The following MEGF6 variants were observed in gnomAD, a reference collection of about 807,000 sequenced individuals.
MEGF6 encodes multiple EGF like domains 6.
MEGF6 carries 184 observed loss-of-function variants against 207.1 expected under a neutral mutation model. That is an observed-to-expected ratio of 0.89 (90% CI 0.79 to 1.00). MEGF6 has a LOEUF of 1.00. Among genes scored for constraint, MEGF6 ranks in the 50% least tolerant of loss-of-function variants. MEGF6 has a pLI of 0.00. For missense variants in MEGF6, 2,282 were observed against 2,202.9 expected, an observed-to-expected ratio of 1.04 and a Z score of -0.72; for synonymous variants, 1,038 against 910.0, an observed-to-expected ratio of 1.14 and a Z score of -2.53.
intron 4 of MEGF6, among the ~76,000 whole-genome samples, chr1:3,579,379 C>G (rs545989182): frequency 1.8e-3 from 277 of 152,366 alleles, no homozygotes; most frequent in Non-Finnish European, 3.5e-3. Flanking sequence ...GCGGGAGTCC[C>G]ATTTACAGCT....
intron 31 of MEGF6, 30 bp from the exon 32 acceptor site, chr1:3,494,529 C>T (rs375862458): frequency 7.1e-5 from 112 of 1,576,100 alleles, no homozygotes; most frequent in Admixed American, 1.1e-4. Flanking sequence ...GGCAGTCCTT[C>T]GGCACCAGCC....
intron 7 of MEGF6, among the ~76,000 whole-genome samples, chr1:3,514,180 G>A (rs1162161480): frequency 4.6e-5 from 7 of 152,014 alleles, no homozygotes; most frequent in South Asian, 2.1e-4. Context: ...CCTGGGAGGC[G>A]GAGCTTGCAG....
intron 2 of MEGF6, among the ~76,000 whole-genome samples, chr1:3,599,083 G>A (rs1644119367): frequency 6.6e-6 from 1 of 152,214 alleles, no homozygotes; most frequent in Admixed American, 6.5e-5. Flanking sequence ...CCACAGCCCA[G>A]AAGCCAGACG....
rs986381150 is a variant in MEGF6, at chr1:3,573,597, C to G, written c.481+6228G>C. Among the ~76,000 whole-genome samples, 2 of 152,008 alleles carry G rather than the reference C, an allele frequency of 1.3e-5. No individual in the cohort carries two copies. Among genetic ancestry groups the G allele is most frequent in the African/African-American group, 4.8e-5 (2 of 41,294 alleles). On this transcript the variant is annotated intron_variant, in intron 4 of 36. Transcript: ENST00000356575. This position sits in a 1 kb window ranked among gnomAD's most constrained non-coding sequence, Gnocchi z 5.1. ...GCAGGGAGCAGGACCAGAGACAGCC[C>G]CAGCTCCAGCTCCAGCCAGGGAGTG...
chr1:3,512,464 G>C (rs551643210), intron 7 of MEGF6, among the ~76,000 whole-genome samples: 1 of 152,326 alleles, frequency 6.6e-6, no homozygotes, highest in South Asian at 2.1e-4. Context: ...ATATGGTCTG[G>C]CTGTGTCCCC....
intron 3 of MEGF6, among the ~76,000 whole-genome samples, chr1:3,580,486 C>A: frequency 6.6e-6 from 1 of 152,132 alleles, no homozygotes; most frequent in East Asian, 1.9e-4. Flanking sequence ...CTGGGGCTCC[C>A]CAGGGAAAGC....
chr1:3,512,719 G>A (rs1036106394), intron 7 of MEGF6, among the ~76,000 whole-genome samples: 14 of 152,190 alleles, frequency 9.2e-5, no homozygotes, highest in East Asian at 1.9e-4. Context: ...TTGTGAGGCC[G>A]CCCCAAGCCA....
intron 4 of MEGF6, among the ~76,000 whole-genome samples, chr1:3,529,504 A>G (rs2101338734): frequency 6.6e-6 from 1 of 152,344 alleles, no homozygotes; most frequent in Non-Finnish European, 1.5e-5. Context: ...GAGAGCGGCT[A>G]TTTTAAGGAA....
chr1:3,558,507 C>G (rs1317556247), intron 4 of MEGF6, among the ~76,000 whole-genome samples: 1 of 152,082 alleles, frequency 6.6e-6, no homozygotes, highest in Non-Finnish European at 1.5e-5. Context: ...GTAAATCAAC[C>G]CTACCCCCTT....
intron 4 of MEGF6, among the ~76,000 whole-genome samples, chr1:3,527,869 G>T (rs1339205013): frequency 6.6e-6 from 1 of 152,200 alleles, no homozygotes; most frequent in East Asian, 1.9e-4. Flanking sequence ...CAGCATCCCA[G>T]CCGGGTTCGG....
intron 25 of MEGF6, 91 bp from the exon 26 acceptor site, chr1:3,498,590 C>T: frequency 1.0e-5 from 15 of 1,484,876 alleles, no homozygotes; most frequent in East Asian, 2.5e-5. Flanking sequence ...AGAGCTGAAG[C>T]CTACACCCCA....
intron 4 of MEGF6, among the ~76,000 whole-genome samples, chr1:3,570,291 C>G (rs1006760960): frequency 2.6e-5 from 4 of 152,238 alleles, no homozygotes; most frequent in Non-Finnish European, 5.9e-5. Flanking sequence ...AAGCCAAAGT[C>G]AAGCACCTGC....
chr1:3,515,083 G>A (rs1284004493), intron 6 of MEGF6, among the ~76,000 whole-genome samples: 1 of 152,158 alleles, frequency 6.6e-6, no homozygotes, highest in Non-Finnish European at 1.5e-5. Flanking sequence ...TCCATATTCT[G>A]GAGGACCACT....
Position 3,508,610 on chromosome 1 carries a change from G to A in MEGF6, c.1608C>T (p.Gly536=). Residue 536 remains glycine (G), a synonymous_variant, in exon 13 of 37, where the codon GGC becomes GGT. Transcript: ENST00000356575. The stretch of plus-strand genomic sequence containing the variant: ...CCTCGGGGCAATCACAGCCATCCAG[G>A]CCCAGGAGGCAGGTCCCTCCGTTCC... The part of the protein sequence containing the change: ...DCRNGGTCLL[G]LDGCDCPEGW... 7.4e-6 allele frequency: 12 copies of A among 1,613,514 alleles called. No individual in the cohort carries two copies. Among genetic ancestry groups the A allele is most frequent in the Non-Finnish European group, 1.0e-5 (12 of 1,179,962 alleles).
chr1:3,509,021 C>A, intron 12 of MEGF6, 54 bp downstream of exon 12: 2 of 1,463,844 alleles, frequency 1.4e-6, no homozygotes, highest in Non-Finnish European at 1.8e-6. Flanking sequence ...CCCGAGGGGT[C>A]GCTGGCTGCT....
At position 3,531,495 on chromosome 1, in the gene MEGF6, G is replaced by C; in HGVS notation, c.482-7249C>G. On this transcript the variant is annotated intron_variant, in intron 4 of 36. Coordinates refer to ENST00000356575, the MANE Select transcript of MEGF6 (RefSeq NM_001409.4). ...GTAAAGGCCAAGTCCGCAGACAACCGAGGGAGCCGCCCCCGGCCCCGCCCC... is the reference window on the plus strand; with the variant it reads ...GTAAAGGCCAAGTCCGCAGACAACCCAGGGAGCCGCCCCCGGCCCCGCCCC... 3 of 1,060,920 alleles carry C rather than the reference G, an allele frequency of 2.8e-6. No individual in the cohort carries two copies. The South Asian group carries it at 1.3e-4, about 47-fold the overall frequency. The allele number at this position is 1,060,920 out of a possible 1,614,324, so 65.7% of individuals were successfully genotyped here. A position where few individuals can be genotyped will look rare whatever the true frequency, so the allele number is the denominator to read the frequency against.
chr1:3,508,556 ACT>A lies in MEGF6; in HGVS notation c.1660_1660+1del. The stretch of plus-strand genomic sequence containing the variant: ...CCCCCAGCCCCTGCCCAGCTGCCTC[ACT>A]CTCATTGCAGATGAGCCCAGTCCAG... On this transcript the variant is annotated splice_donor_variant and coding_sequence_variant, in exon 13 of 37. Coordinates refer to ENST00000356575, the MANE Select transcript of MEGF6 (RefSeq NM_001409.4). LOFTEE classifies it high-confidence loss of function. 1 of 1,611,822 alleles carries A rather than the reference ACT, an allele frequency of 6.2e-7. No homozygotes were observed. The highest frequency in any genetic ancestry group is 8.5e-7 in the Non-Finnish European group (1 of 1,179,102).
chr1:3,500,458 C>T (rs987595994), intron 21 of MEGF6, among the ~76,000 whole-genome samples, 175 bp downstream of exon 21: 10 of 152,268 alleles, frequency 6.6e-5, no homozygotes, highest in Non-Finnish European at 5.9e-5. Flanking sequence ...TGCGCATGTG[C>T]GTGCCTGCAC....
At chr1:3,610,324 G>C (rs1383617646) in intron 1 of MEGF6, among the ~76,000 whole-genome samples, 1 of 152,232 alleles carries the variant, frequency 6.6e-6, no homozygotes, top group Non-Finnish European at 1.5e-5. Context: ...GCCCTGCTGG[G>C]GAGTGCTGGA....
Sources: gnomAD v4.1 joint callset for allele counts (sites outside exome capture counted in the v4.1 genomes callset) on GRCh38, gnomAD v4.1.1 for gene constraint, Gnocchi (gnomAD v3.1) non-coding constraint, MANE v1.5 for transcripts, NCBI Gene and HGNC (gene_info 2026-07-23, HGNC 2026-07-21) for gene names.